Variants in GRM5 observed in about 807,000 individuals in gnomAD.
GRM5 encodes metabotropic glutamate receptor 5.
Under a neutral mutation model 83.1 loss-of-function variants are expected in GRM5, and 19 were observed. That is an observed-to-expected ratio of 0.23 (90% confidence interval 0.16 to 0.34). The LOEUF is 0.34. GRM5 is among the 10% of genes least tolerant of loss of function. GRM5 has a pLI of 1.00. For synonymous variants in GRM5, 675 were observed against 633.6 expected (o/e 1.07, Z -0.98); for missense variants, 1,160 against 1,588.3 (o/e 0.73, Z 4.58).
At chr11:88,583,201 G>A (rs1943248743) in intron 7 of GRM5, among the ~76,000 whole-genome samples, 2 of 151,844 alleles carry the variant, frequency 1.3e-5, no homozygotes, top group Admixed American at 1.3e-4. Context: ...CAATTCCAAT[G>A]CGGGAGTTAT....
At chr11:88,628,437 T>C (rs762306525) in intron 4 of GRM5, among the ~76,000 whole-genome samples, 1 of 152,226 alleles carries the variant, frequency 6.6e-6, no homozygotes, top group Non-Finnish European at 1.5e-5. Context: ...CAATACTTCA[T>C]TGGAAAGAAA....
chr11:88,912,170 A>G (rs1945511338), intron 2 of GRM5: 1 of 201,432 alleles, frequency 5.0e-6, no homozygotes, highest in Admixed American at 6.0e-5. Context: ...TGCTTCAAAA[A>G]TAACATTGTT....
At chr11:88,603,059 A>G (rs1938043240) in intron 5 of GRM5, among the ~76,000 whole-genome samples, 1 of 152,196 alleles carries the variant, frequency 6.6e-6, no homozygotes, top group South Asian at 2.1e-4. Flanking sequence ...CTGAATTCCC[A>G]GAAGTTGTTT....
At chr11:89,025,748 T>C (rs1422270369) in intron 2 of GRM5, among the ~76,000 whole-genome samples, 1 of 152,156 alleles carries the variant, frequency 6.6e-6, no homozygotes, top group East Asian at 1.9e-4. Flanking sequence ...TATAAATTTG[T>C]TTAGCTGCTA....
At chr11:88,840,192 A>T (rs1204825947) in intron 3 of GRM5, among the ~76,000 whole-genome samples, 1 of 152,168 alleles carries the variant, frequency 6.6e-6, no homozygotes, top group African/African-American at 2.4e-5. Flanking sequence ...TACAGTACCA[A>T]TCCTTCTTCC....
intron 3 of GRM5, among the ~76,000 whole-genome samples, chr11:88,712,712 T>C (rs1248393278): frequency 6.6e-6 from 1 of 152,054 alleles, no homozygotes; most frequent in Non-Finnish European, 1.5e-5. Context: ...ATGTCATTGA[T>C]AGTCAGACAG....
At chr11:88,525,848 T>C (rs1941861436) in intron 8 of GRM5, among the ~76,000 whole-genome samples, 1 of 152,228 alleles carries the variant, frequency 6.6e-6, no homozygotes, top group Non-Finnish European at 1.5e-5. Context: ...TCCATTTTAC[T>C]GATGAAGAAA....
At chr11:88,829,978 T>C (rs964907910) in intron 3 of GRM5, among the ~76,000 whole-genome samples, 10 of 151,932 alleles carry the variant, frequency 6.6e-5, no homozygotes, top group African/African-American at 1.7e-4. Context: ...CATATTCACA[T>C]TGGTTACCTG....
At chr11:88,851,326 T>C (rs951779337) in intron 2 of GRM5, among the ~76,000 whole-genome samples, 2 of 152,174 alleles carry the variant, frequency 1.3e-5, no homozygotes, top group Non-Finnish European at 2.9e-5. Context: ...AACCAAGCTG[T>C]AGAACATATA....
intron 1 of GRM5, among the ~76,000 whole-genome samples, chr11:89,053,249 C>T (rs911440172): frequency 2.0e-5 from 3 of 151,940 alleles, no homozygotes; most frequent in Non-Finnish European, 4.4e-5. Flanking sequence ...CCTGAATATC[C>T]ACCCCAAATT....
chr11:88,814,100 C>T (rs1412635773), intron 3 of GRM5, among the ~76,000 whole-genome samples: 3 of 152,104 alleles, frequency 2.0e-5, no homozygotes, highest in Non-Finnish European at 2.9e-5. Context: ...ATATACCATC[C>T]TATGTGAAAC....
intron 3 of GRM5, among the ~76,000 whole-genome samples, chr11:88,842,694 C>A (rs544887732): frequency 6.6e-6 from 1 of 151,462 alleles, no homozygotes; most frequent in East Asian, 1.9e-4. Context: ...TAGAGTTCAT[C>A]TTTTTTTTTC....
At chr11:88,876,961 C>G (rs187532657) in intron 2 of GRM5, among the ~76,000 whole-genome samples, 43 of 152,054 alleles carry the variant, frequency 2.8e-4, no homozygotes, top group African/African-American at 9.6e-4. Context: ...AAAGAAGTCA[C>G]GCACCTAAGG....
intron 3 of GRM5, among the ~76,000 whole-genome samples, chr11:88,705,280 C>T (rs1365230585): frequency 6.6e-6 from 1 of 151,942 alleles, no homozygotes; most frequent in Non-Finnish European, 1.5e-5. Context: ...GGGACCCTTA[C>T]TCAATTGACA....
intron 4 of GRM5, among the ~76,000 whole-genome samples, chr11:88,633,905 A>G (rs1939049317): frequency 6.6e-6 from 1 of 152,164 alleles, no homozygotes. Context: ...CTGTTAGGCA[A>G]TTTCATCACT....
chr11:88,604,637 A>T, intron 5 of GRM5, 81 bp downstream of exon 5: 1 of 1,171,980 alleles, frequency 8.5e-7, no homozygotes, highest in South Asian at 1.4e-5. Flanking sequence ...TTAACCACAA[A>T]GGAGAGAAAG....
chr11:88,720,609 G>C (rs1243069304), intron 3 of GRM5, among the ~76,000 whole-genome samples: 1 of 151,898 alleles, frequency 6.6e-6, no homozygotes, highest in African/African-American at 2.4e-5. Flanking sequence ...AACAGCTACT[G>C]GCCACTTTTT....
chr11:88,633,140 G>A (rs1995493), intron 4 of GRM5, among the ~76,000 whole-genome samples: 114,582 of 152,090 alleles, frequency 0.75, 48,390 homozygotes, highest in Non-Finnish European at 0.96. Context: ...ATACCACTAT[G>A]CACTTATTGG....
At chr11:89,023,164 TGC>T (rs1295077984) in intron 2 of GRM5, among the ~76,000 whole-genome samples, 10 of 151,028 alleles carry the variant, frequency 6.6e-5, no homozygotes, top group African/African-American at 2.0e-4. Flanking sequence ...TGTGTGTGTG[TGC>T]GCGCGCGTGC....
Sources: gnomAD v4.1 joint callset for allele counts (sites outside exome capture counted in the v4.1 genomes callset) on GRCh38, gnomAD v4.1.1 for gene constraint, MANE v1.5 for transcripts, NCBI Gene and HGNC (gene_info 2026-07-23, HGNC 2026-07-21) for gene names.